ANXA13: variants seen among roughly 807,000 people sequenced by gnomAD.
The protein encoded by ANXA13 is annexin A13.
Under a neutral mutation model 46.6 loss-of-function variants are expected in ANXA13, and 36 were observed. The ratio of observed to expected loss-of-function variants is 0.77; its 90% confidence interval spans 0.59 to 1.02. The LOEUF is 1.02. Among genes scored for constraint, ANXA13 ranks in the 50% least tolerant of loss-of-function variants. ANXA13 has a pLI of 0.00. For synonymous variants in ANXA13, 163 were observed against 152.9 expected, an observed-to-expected ratio of 1.07 and a Z score of -0.49; for missense variants, 417 against 396.5, an observed-to-expected ratio of 1.05 and a Z score of -0.44.
At chr8:123,730,510 C>T (rs369874502) in intron 1 of ANXA13, among the ~76,000 whole-genome samples, 25 of 152,236 alleles carry the variant, frequency 1.6e-4, no homozygotes, top group East Asian at 3.9e-4. Context: ...TCCTTAGTGT[C>T]GTAGGTTGAA....
intron 1 of ANXA13, among the ~76,000 whole-genome samples, chr8:123,714,809 A>G (rs983986546): frequency 6.6e-6 from 1 of 152,230 alleles, no homozygotes; most frequent in Non-Finnish European, 1.5e-5. Context: ...TGTGCCAGGC[A>G]GTTTATAGAC....
chr8:123,683,812 C>A (rs1430219614), intron 10 of ANXA13, among the ~76,000 whole-genome samples: 3 of 152,096 alleles, frequency 2.0e-5, no homozygotes, highest in African/African-American at 7.2e-5. Context: ...GTCTCGAACT[C>A]CTGACCTCAG....
At chr8:123,715,905 G>A (rs1210285095) in intron 1 of ANXA13, among the ~76,000 whole-genome samples, 1 of 152,100 alleles carries the variant, frequency 6.6e-6, no homozygotes, top group African/African-American at 2.4e-5. Flanking sequence ...ATATCACAGA[G>A]TTGTAGGAGC....
At chr8:123,723,036 T>C (rs1483535306) in intron 1 of ANXA13, among the ~76,000 whole-genome samples, 1 of 152,228 alleles carries the variant, frequency 6.6e-6, no homozygotes, top group East Asian at 1.9e-4. Context: ...AGGTTTCCAA[T>C]ATGCTTTCTT....
chr8:123,687,587 C>A (rs909462014), intron 9 of ANXA13, among the ~76,000 whole-genome samples: 3 of 151,960 alleles, frequency 2.0e-5, no homozygotes, highest in Non-Finnish European at 1.5e-5. Flanking sequence ...TCATTGAATG[C>A]AAAATAAGGA....
chr8:123,686,968 G>A (rs1019030638), intron 9 of ANXA13, among the ~76,000 whole-genome samples: 5 of 152,100 alleles, frequency 3.3e-5, no homozygotes, highest in African/African-American at 1.2e-4. Flanking sequence ...TGGACTGTGT[G>A]GTCCTCAACC....
At chr8:123,713,198 G>C (rs1167923624) in intron 1 of ANXA13, among the ~76,000 whole-genome samples, 1 of 152,154 alleles carries the variant, frequency 6.6e-6, no homozygotes, top group Non-Finnish European at 1.5e-5. Context: ...ATGGTGACTT[G>C]GATCTTTGCC....
chr8:123,711,727 G>T (rs1224786374), intron 2 of ANXA13: 1 of 151,980 alleles, frequency 6.6e-6, no homozygotes. Flanking sequence ...CGATTCTCCT[G>T]CTTCAGCCTC....
intron 1 of ANXA13, among the ~76,000 whole-genome samples, chr8:123,727,140 A>G (rs1297226119): frequency 6.6e-6 from 1 of 152,188 alleles, no homozygotes; most frequent in Non-Finnish European, 1.5e-5. Context: ...AAATCTCACA[A>G]ATGACCACTG....
At chr8:123,683,873 C>T (rs1005785765) in intron 10 of ANXA13, among the ~76,000 whole-genome samples, 8 of 152,200 alleles carry the variant, frequency 5.3e-5, no homozygotes, top group African/African-American at 1.9e-4. Flanking sequence ...AGGCATGAGC[C>T]ATTGCACCCG....
chr8:123,683,023 A>T (rs1159871313), intron 10 of ANXA13, among the ~76,000 whole-genome samples: 1 of 152,118 alleles, frequency 6.6e-6, no homozygotes, highest in Non-Finnish European at 1.5e-5. Context: ...GTCCCTTTTG[A>T]GTCCCTCAAG....
chr8:123,705,732 G>A (rs1434175400), intron 2 of ANXA13, among the ~76,000 whole-genome samples: 1 of 152,200 alleles, frequency 6.6e-6, no homozygotes, highest in Non-Finnish European at 1.5e-5. Flanking sequence ...GAAGGAACAA[G>A]ATCGTGCAAT....
intron 1 of ANXA13, among the ~76,000 whole-genome samples, chr8:123,717,967 C>G (rs966219907): frequency 6.6e-6 from 1 of 152,252 alleles, no homozygotes; most frequent in Non-Finnish European, 1.5e-5. Context: ...GGCTCACGCC[C>G]AGACTCGCAC....
intron 10 of ANXA13, among the ~76,000 whole-genome samples, chr8:123,681,666 G>A (rs536913959): frequency 3.6e-5 from 5 of 139,124 alleles, no homozygotes; most frequent in Non-Finnish European, 7.6e-5. Context: ...TCTTGTTGCC[G>A]AGGCTGGAGT....
At chr8:123,723,407 C>A (rs1813923691) in intron 1 of ANXA13, among the ~76,000 whole-genome samples, 1 of 152,202 alleles carries the variant, frequency 6.6e-6, no homozygotes, top group African/African-American at 2.4e-5. Flanking sequence ...TGTGCTGAAG[C>A]TAAACTGTTT....
chr8:123,687,921 G>T (rs1049521544), intron 9 of ANXA13, among the ~76,000 whole-genome samples: 1 of 152,200 alleles, frequency 6.6e-6, no homozygotes, highest in Non-Finnish European at 1.5e-5. Flanking sequence ...CTGGGGTTTG[G>T]TTGGCACAAT....
At chr8:123,736,867 G>GTTTA (rs1563623536) in intron 1 of ANXA13, among the ~76,000 whole-genome samples, 49 of 51,822 alleles carry the variant, frequency 9.5e-4, no homozygotes, top group African/African-American at 2.2e-3. Flanking sequence ...TTTTTTTTTG[G>GTTTA]GACGGAGTTT....
At chr8:123,684,258 C>T (rs1354965163) in intron 10 of ANXA13, among the ~76,000 whole-genome samples, 1 of 152,138 alleles carries the variant, frequency 6.6e-6, no homozygotes, top group African/African-American at 2.4e-5. Context: ...TCTTTTTGTT[C>T]CTGCTGCTGG....
chr8:123,702,285 C>T (rs1480935106), intron 3 of ANXA13, among the ~76,000 whole-genome samples: 1 of 152,046 alleles, frequency 6.6e-6, no homozygotes, highest in South Asian at 2.1e-4. Flanking sequence ...GTAACAATCG[C>T]TTATGAAAAA....
Sources: allele counts gnomAD v4.1 joint callset (sites outside exome capture counted in the v4.1 genomes callset), GRCh38; gene constraint gnomAD v4.1.1; transcripts MANE v1.5; gene names NCBI Gene and HGNC (gene_info 2026-07-23, HGNC 2026-07-21).